The following CCDC148 variants were observed in gnomAD, a reference collection of about 807,000 sequenced individuals.
The protein encoded by CCDC148 is coiled-coil domain-containing protein 148.
CCDC148 carries 89 observed loss-of-function variants against 85.7 expected under a neutral mutation model. The ratio of observed to expected loss-of-function variants is 1.04; its 90% CI spans 0.87 to 1.24. The LOEUF (loss-of-function observed/expected upper bound fraction) is 1.24. Ranked by LOEUF, CCDC148 falls within the 50% of genes most tolerant of loss-of-function variation. The pLI is 0.00. For synonymous variants in CCDC148, 230 were observed against 213.9 expected (o/e 1.08, Z -0.66); for missense variants, 692 against 671.7 (o/e 1.03, Z -0.33).
intron 10 of CCDC148, among the ~76,000 whole-genome samples, chr2:158,231,245 C>T (rs1687844407): frequency 1.3e-5 from 2 of 152,162 alleles, no homozygotes; most frequent in African/African-American, 4.8e-5. Context: ...TGCTTTTCTG[C>T]ACAGCTTTCT....
chr2:158,327,786 A>T (rs1559072671), intron 7 of CCDC148, among the ~76,000 whole-genome samples: 1 of 152,196 alleles, frequency 6.6e-6, no homozygotes, highest in Non-Finnish European at 1.5e-5. Context: ...AGACTAAAAT[A>T]TCACTTGTTC....
intron 1 of CCDC148, among the ~76,000 whole-genome samples, chr2:158,398,832 C>T (rs1685644641): frequency 1.3e-5 from 2 of 151,984 alleles, no homozygotes; most frequent in South Asian, 4.1e-4. Flanking sequence ...TCAATGAATC[C>T]AGGAGCTGGT....
At chr2:158,418,198 A>T (rs535184636) in intron 1 of CCDC148, among the ~76,000 whole-genome samples, 1 of 152,132 alleles carries the variant, frequency 6.6e-6, no homozygotes, top group Admixed American at 6.5e-5. Flanking sequence ...ACCTCCTACA[A>T]ATCACTTAAC....
At chr2:158,423,667 A>G (rs1045459285) in intron 1 of CCDC148, among the ~76,000 whole-genome samples, 3 of 152,252 alleles carry the variant, frequency 2.0e-5, no homozygotes, top group Middle Eastern at 3.2e-3. Context: ...CAAAGACTTC[A>G]TGACTAAAAC....
chr2:158,429,412 T>A (rs558001865), intron 1 of CCDC148, among the ~76,000 whole-genome samples: 4 of 150,948 alleles, frequency 2.6e-5, no homozygotes, highest in Admixed American at 6.6e-5. Flanking sequence ...TAGGAATACT[T>A]AGAACTAAGC....
At chr2:158,251,002 G>C (rs1559018446) in intron 9 of CCDC148, 90 bp from the exon 10 acceptor site, 4 of 1,161,262 alleles carry the variant, frequency 3.4e-6, no homozygotes, top group Admixed American at 5.2e-5. Context: ...ATATCAAGCA[G>C]ATGTCACTTT....
rs57287790 is a variant in CCDC148, at chr2:158,433,091, A to ATATATATATATATATAT, written c.25+23323_25+23324insATATATATATATATATA. ...CATCTCTACAAAAAAAAAAAAAAAA[A>ATATATATATATATATAT]ATATATATATATATATATATGACTT... On this transcript the variant is annotated intron_variant, in intron 1 of 13. Coordinates refer to ENST00000283233, the MANE Select transcript of CCDC148 (RefSeq NM_138803.4). Among the ~76,000 whole-genome samples the ATATATATATATATATAT allele has an allele frequency of 1.2e-4, 6 of 51,340 alleles. No individual in the cohort carries two copies. In the East Asian group the frequency reaches 1.8e-3, roughly 15 times the overall value. The allele number at this position is 51,340 out of a possible 152,430, so 33.7% of individuals were successfully genotyped here. A position where few individuals can be genotyped will look rare whatever the true frequency, so the allele number is the denominator to read the frequency against.
chr2:158,213,354 T>C (rs1686678413), intron 11 of CCDC148, among the ~76,000 whole-genome samples: 1 of 152,146 alleles, frequency 6.6e-6, no homozygotes. Flanking sequence ...ACATTAAAAT[T>C]AGCACAAAGG....
At chr2:158,434,524 A>G (rs1324512111) in intron 1 of CCDC148, among the ~76,000 whole-genome samples, 1 of 152,252 alleles carries the variant, frequency 6.6e-6, no homozygotes, top group Non-Finnish European at 1.5e-5. Flanking sequence ...TGGGGTAACC[A>G]GAGCAGAAAA....
chr2:158,179,417 A>G (rs777307933), intron 11 of CCDC148, among the ~76,000 whole-genome samples: 4 of 152,074 alleles, frequency 2.6e-5, no homozygotes, highest in Non-Finnish European at 4.4e-5. Context: ...TTGGCCACCC[A>G]AAGTGCTGAG....
chr2:158,413,552 A>T (rs1480685752), intron 1 of CCDC148, among the ~76,000 whole-genome samples: 2 of 151,708 alleles, frequency 1.3e-5, no homozygotes, highest in African/African-American at 4.8e-5. Context: ...AGTAAGACAC[A>T]TTTCCTACAC....
chr2:158,268,942 A>G (rs975735891), intron 9 of CCDC148, among the ~76,000 whole-genome samples: 5 of 152,180 alleles, frequency 3.3e-5, no homozygotes, highest in African/African-American at 9.7e-5. Flanking sequence ...GGATATACAC[A>G]TGCCACAATT....
intron 11 of CCDC148, among the ~76,000 whole-genome samples, chr2:158,184,237 C>T (rs944030723): frequency 6.6e-6 from 1 of 152,108 alleles, no homozygotes; most frequent in African/African-American, 2.4e-5. Flanking sequence ...TCTGCAGAAT[C>T]AGAAAAGATG....
At chr2:158,421,311 A>C (rs2105323311) in intron 1 of CCDC148, among the ~76,000 whole-genome samples, 1 of 152,348 alleles carries the variant, frequency 6.6e-6, no homozygotes, top group Non-Finnish European at 1.5e-5. Flanking sequence ...CATCACACTT[A>C]TTCCAAAATT....
chr2:158,217,338 A>ATATATATATATATATAAAATTTTGTG (rs1686921017), intron 11 of CCDC148, among the ~76,000 whole-genome samples: 2 of 7,212 alleles, frequency 2.8e-4, no homozygotes, highest in Non-Finnish European at 3.2e-3. Context: ...AATTTTGTGT[A>ATATATATATATATATAAAATTTTGTG]TATATATATA....
At chr2:158,311,137 T>C (rs924918825) in intron 8 of CCDC148, among the ~76,000 whole-genome samples, 1 of 151,778 alleles carries the variant, frequency 6.6e-6, no homozygotes, top group Non-Finnish European at 1.5e-5. Context: ...GAGGTGGAGG[T>C]TGTAGCGAGC....
At chr2:158,359,672 A>G (rs1462007636) in intron 1 of CCDC148, among the ~76,000 whole-genome samples, 1 of 152,112 alleles carries the variant, frequency 6.6e-6, no homozygotes, top group Admixed American at 6.5e-5. Context: ...ACTTTTTCCC[A>G]TGGTCTTTGC....
intron 11 of CCDC148, among the ~76,000 whole-genome samples, chr2:158,188,468 G>A (rs963702445): frequency 8.7e-5 from 13 of 149,910 alleles, no homozygotes; most frequent in Non-Finnish European, 1.6e-4. Flanking sequence ...TTAGATACCA[G>A]AGCCAACTGC....
At chr2:158,400,893 T>G (rs995762653) in intron 1 of CCDC148, among the ~76,000 whole-genome samples, 1 of 152,118 alleles carries the variant, frequency 6.6e-6, no homozygotes, top group African/African-American at 2.4e-5. Context: ...GGGCAAAGGA[T>G]ATGAACAGAC....
Sources: allele counts gnomAD v4.1 joint callset (sites outside exome capture counted in the v4.1 genomes callset), GRCh38; gene constraint gnomAD v4.1.1; transcripts MANE v1.5; gene names NCBI Gene and HGNC (gene_info 2026-07-23, HGNC 2026-07-21).